Variants in PPP1R14C observed in about 807,000 individuals in gnomAD.
PPP1R14C encodes the protein protein phosphatase 1 regulatory subunit 14C.
A neutral mutation model predicts 20.4 loss-of-function variants in PPP1R14C; 16 were observed. The observed-to-expected ratio is 0.78, with a 90% CI of 0.53 to 1.19. The LOEUF (loss-of-function observed/expected upper bound fraction) is 1.19. Among genes scored for constraint, PPP1R14C ranks in the 50% most tolerant of loss-of-function variants. PPP1R14C has a pLI of 0.00. For missense variants in PPP1R14C, 211 were observed against 220.1 expected, an observed-to-expected ratio of 0.96 and a Z score of 0.26; for synonymous variants, 91 against 91.0, an observed-to-expected ratio of 1.00 and a Z score of 0.00.
Position 150,249,662 on chromosome 6 carries a change from A to C in PPP1R14C, c.*842A>C, listed in dbSNP as rs1436589340. 4 of 397,794 alleles carry C rather than the reference A, an allele frequency of 1.0e-5. No homozygotes were observed. Among genetic ancestry groups the C allele is most frequent in the African/African-American group, 6.2e-5 (3 of 48,594 alleles). The allele number at this position is 397,794 out of a possible 1,614,324, so 24.6% of individuals were successfully genotyped here. A position where few individuals can be genotyped will look rare whatever the true frequency, so the allele number is the denominator to read the frequency against. On this transcript the variant is annotated 3_prime_UTR_variant, in exon 4 of 4. Coordinates refer to ENST00000361131, the MANE Select transcript of PPP1R14C (RefSeq NM_030949.3). Reference sequence around the variant, plus strand: ...GTGGTATTTTGCATTGGAAAAAGGAAGCACTGTGTAGCAGTGAATTGTCTG... The same window carrying C: ...GTGGTATTTTGCATTGGAAAAAGGACGCACTGTGTAGCAGTGAATTGTCTG...
intron 1 of PPP1R14C, among the ~76,000 whole-genome samples, chr6:150,212,384 C>A (rs1290993231): frequency 6.6e-6 from 1 of 152,194 alleles, no homozygotes; most frequent in Non-Finnish European, 1.5e-5. Context: ...CAATACCTAA[C>A]AGAGAGCCGT....
chr6:150,200,147 A>G (rs1180565319), intron 1 of PPP1R14C, among the ~76,000 whole-genome samples: 1 of 151,584 alleles, frequency 6.6e-6, no homozygotes, highest in Non-Finnish European at 1.5e-5. Context: ...CAGTTGATAT[A>G]TTAATATTTG....
chr6:150,189,398 T>C (rs1273357383), intron 1 of PPP1R14C, among the ~76,000 whole-genome samples: 3 of 152,202 alleles, frequency 2.0e-5, no homozygotes, highest in Admixed American at 1.3e-4. Context: ...CATAATGCAA[T>C]AGAGCAGATG....
chr6:150,208,611 A>G (rs1360411232), intron 1 of PPP1R14C, among the ~76,000 whole-genome samples: 1 of 152,248 alleles, frequency 6.6e-6, no homozygotes, highest in Non-Finnish European at 1.5e-5. Flanking sequence ...ACTCAAATGC[A>G]CAACATCCCT....
rs919356949 is a variant in PPP1R14C at position 150,174,618 on chromosome 6, G to A, written c.306+31120G>A. Reference sequence around the variant, plus strand: ...CTCTGGAAGGCCTGGCAGATATTCAGTGTTCAACGGTGTGTTTTAAATAAA... The same window carrying A: ...CTCTGGAAGGCCTGGCAGATATTCAATGTTCAACGGTGTGTTTTAAATAAA... On this transcript the variant is annotated intron_variant, in intron 1 of 3. Coordinates refer to ENST00000361131, the MANE Select transcript of PPP1R14C (RefSeq NM_030949.3). 2.6e-5 allele frequency among the ~76,000 whole-genome samples: 4 copies of A among 152,072 alleles called. No individual in the cohort carries two copies. In the South Asian group the frequency reaches 8.3e-4, roughly 32 times the overall value.
chr6:150,147,493 T>A (rs114266493), intron 1 of PPP1R14C, among the ~76,000 whole-genome samples: 1,891 of 152,296 alleles, frequency 0.012, 52 homozygotes, highest in African/African-American at 0.043. Context: ...TGGTGGTTTT[T>A]AAGAGCATTT....
intron 1 of PPP1R14C, among the ~76,000 whole-genome samples, chr6:150,203,281 T>C (rs531022696): frequency 6.6e-6 from 1 of 152,370 alleles, no homozygotes; most frequent in East Asian, 1.9e-4. Context: ...TTTTAGTCTT[T>C]TCCAGAACGT....
In PPP1R14C at chr6:150,248,864, C is replaced by T; in HGVS notation, c.*44C>T. ...CTCTCCCAGAGACGAAGAAAGAGTCCTGGGATTTGTACTTCATGAAGACTT... is the reference window on the plus strand; with the variant it reads ...CTCTCCCAGAGACGAAGAAAGAGTCTTGGGATTTGTACTTCATGAAGACTT... On this transcript the variant is annotated 3_prime_UTR_variant, in exon 4 of 4. Transcript: ENST00000361131. 7.5e-7 allele frequency: 1 copy of T among 1,330,422 alleles called. No individual in the cohort carries two copies. Among genetic ancestry groups the T allele is most frequent in the Non-Finnish European group, 1.1e-6 (1 of 932,672 alleles). The allele number at this position is 1,330,422 out of a possible 1,614,324, so 82.4% of individuals were successfully genotyped here.
At chr6:150,173,129 C>T (rs763438349) in intron 1 of PPP1R14C, among the ~76,000 whole-genome samples, 5 of 152,160 alleles carry the variant, frequency 3.3e-5, no homozygotes, top group Non-Finnish European at 7.3e-5. Flanking sequence ...TGACATTTTC[C>T]TGTGCATTTC....
At chr6:150,227,954 A>G (rs958760325) in intron 3 of PPP1R14C, among the ~76,000 whole-genome samples, 5 of 152,214 alleles carry the variant, frequency 3.3e-5, no homozygotes, top group African/African-American at 9.6e-5. Context: ...TTAGGATTCT[A>G]TGCACCAGAC....
intron 1 of PPP1R14C, among the ~76,000 whole-genome samples, chr6:150,145,796 A>G (rs1211760884): frequency 1.3e-5 from 2 of 152,202 alleles, no homozygotes; most frequent in African/African-American, 2.4e-5. Context: ...GACACAGCCA[A>G]TTTCCCAGCC....
At chr6:150,232,904 C>G (rs4870384) in intron 3 of PPP1R14C, among the ~76,000 whole-genome samples, 123,031 of 152,210 alleles carry the variant, frequency 0.81, 50,501 homozygotes, top group African/African-American at 0.95. Flanking sequence ...TTAATTTGGC[C>G]AGAGAAGAGA....
At chr6:150,164,233 G>C (rs1333972061) in intron 1 of PPP1R14C, among the ~76,000 whole-genome samples, 1 of 152,098 alleles carries the variant, frequency 6.6e-6, no homozygotes, top group Non-Finnish European at 1.5e-5. Flanking sequence ...CAACAACTTT[G>C]GGTTTGGGTT....
intron 1 of PPP1R14C, among the ~76,000 whole-genome samples, chr6:150,146,606 G>A (rs1327658557): frequency 6.6e-6 from 1 of 152,092 alleles, no homozygotes; most frequent in African/African-American, 2.4e-5. Context: ...AGGACACTGT[G>A]TCCACTCGCA....
chr6:150,174,437 C>G (rs541973709), intron 1 of PPP1R14C, among the ~76,000 whole-genome samples: 1 of 151,654 alleles, frequency 6.6e-6, no homozygotes, highest in African/African-American at 2.4e-5. Context: ...AGGATGGTCT[C>G]GATCTCCTGA....
intron 1 of PPP1R14C, among the ~76,000 whole-genome samples, chr6:150,211,353 G>A (rs1778022611): frequency 6.6e-6 from 1 of 152,182 alleles, no homozygotes; most frequent in South Asian, 2.1e-4. Flanking sequence ...CCAACAGGAG[G>A]GCCTCTCACT....
At chr6:150,218,616 T>C (rs1338589028) in intron 3 of PPP1R14C, among the ~76,000 whole-genome samples, 1 of 151,934 alleles carries the variant, frequency 6.6e-6, no homozygotes, top group African/African-American at 2.4e-5. Flanking sequence ...TTTGCGCTTT[T>C]GGCTGTTTCC....
rs892914217 is a variant in PPP1R14C, at chr6:150,143,143, C to A, written c.-50C>A. On this transcript the variant is annotated 5_prime_UTR_variant, in exon 1 of 4. Coordinates refer to ENST00000361131, the MANE Select transcript of PPP1R14C (RefSeq NM_030949.3). This position sits in a 1 kb window ranked among gnomAD's most constrained non-coding sequence, Gnocchi z 5.6. ...GGAGGTGGTAGCGGCGCCGGGCGCG[C>A]TCCGCCCGCCCCTCCTCCGGGCCGC... 1.7e-6 allele frequency: 2 copies of A among 1,196,706 alleles called. No homozygotes were observed. Among genetic ancestry groups the A allele is most frequent in the African/African-American group, 3.2e-5 (2 of 62,570 alleles). The allele number at this position is 1,196,706 out of a possible 1,614,324, so 74.1% of individuals were successfully genotyped here.
intron 3 of PPP1R14C, among the ~76,000 whole-genome samples, chr6:150,228,832 A>AATG (rs1285795724): frequency 1.3e-5 from 2 of 152,156 alleles, no homozygotes. Context: ...CAATAATAAT[A>AATG]ATAGTGATCA....
Sources: gnomAD v4.1 joint callset for allele counts (sites outside exome capture counted in the v4.1 genomes callset) on GRCh38, gnomAD v4.1.1 for gene constraint, Gnocchi (gnomAD v3.1) non-coding constraint, MANE v1.5 for transcripts, NCBI Gene and HGNC (gene_info 2026-07-23, HGNC 2026-07-21) for gene names.